FRRS1L: variants seen among roughly 807,000 people sequenced by gnomAD.
FRRS1L encodes DOMON domain-containing protein FRRS1L.
A neutral mutation model predicts 28.6 loss-of-function variants in FRRS1L; 22 were observed. That is an observed-to-expected ratio of 0.77 (90% CI 0.55 to 1.10). The LOEUF is 1.10. FRRS1L is among the 50% of genes least tolerant of loss of function. The pLI is 0.00. For missense variants in FRRS1L, 380 were observed against 386.9 expected (o/e 0.98, Z 0.15); for synonymous variants, 158 against 151.4 (o/e 1.04, Z -0.32).
At chr9:109,151,979 G>C (rs10759331) in intron 1 of FRRS1L, 138,110 of 152,288 alleles carry the variant, frequency 0.91, 62,827 homozygotes, top group African/African-American at 0.97. Flanking sequence ...TGAAATTCTA[G>C]AGTTCACTGA....
At chr9:109,153,311 T>TA (rs778096611) in intron 1 of FRRS1L, among the ~76,000 whole-genome samples, 1 of 152,184 alleles carries the variant, frequency 6.6e-6, no homozygotes, top group Non-Finnish European at 1.5e-5. Context: ...AGATTGAGTT[T>TA]AACCATGTGG....
At position 109,132,385 on chromosome 9, in the gene FRRS1L, T is replaced by G. The variant is rs1329846846; in HGVS notation, c.*5070A>C. The G allele has an allele frequency of 6.6e-6, 1 of 152,234 alleles. No homozygotes were observed. Among genetic ancestry groups the G allele is most frequent in the Non-Finnish European group, 1.5e-5 (1 of 68,048 alleles). The allele number at this position is 152,234 out of a possible 1,614,324, so 9.4% of individuals were successfully genotyped here. A position where few individuals can be genotyped will look rare whatever the true frequency, so the allele number is the denominator to read the frequency against. ...GTTGTCCATGATCACCACAGTTACT[T>G]AAGACAAAACTGCTGCTTAGCCGGC... On this transcript the variant is annotated 3_prime_UTR_variant, in exon 5 of 5. Transcript: ENST00000561981.
intron 1 of FRRS1L, among the ~76,000 whole-genome samples, chr9:109,153,565 C>CT (rs904043956): frequency 3.3e-5 from 5 of 151,984 alleles, no homozygotes; most frequent in African/African-American, 9.7e-5. Context: ...AAAAATAGCA[C>CT]TTTTTTTTCC....
intron 1 of FRRS1L, among the ~76,000 whole-genome samples, chr9:109,156,803 C>T (rs758202986): frequency 3.3e-5 from 5 of 151,434 alleles, no homozygotes; most frequent in Admixed American, 6.6e-5. Flanking sequence ...TACCTCACCC[C>T]GGGACTACAG....
At chr9:109,145,022 C>T (rs1238015092) in intron 3 of FRRS1L, among the ~76,000 whole-genome samples, 1 of 152,174 alleles carries the variant, frequency 6.6e-6, no homozygotes, top group Non-Finnish European at 1.5e-5. Context: ...AGCCGCCCTC[C>T]TCTCTCCCCT....
chr9:109,137,428 TG>T lies in FRRS1L; in HGVS notation c.*26del. ...TTTATACTAAAGACTTCCCAATCCA[TG>T]TAATCTGTTGGCCCTGCAGCTGTGG... On this transcript the variant is annotated 3_prime_UTR_variant, in exon 5 of 5. Transcript: ENST00000561981. The T allele has an allele frequency of 1.4e-6, 2 of 1,419,740 alleles. No homozygotes were observed. Among genetic ancestry groups the T allele is most frequent in the Non-Finnish European group, 1.9e-6 (2 of 1,057,668 alleles). 87.9% of individuals were successfully genotyped at this position (1,419,740 alleles called of 1,614,324 possible). A position where few individuals can be genotyped will look rare whatever the true frequency, so the allele number is the denominator to read the frequency against.
chr9:109,141,831 A>G (rs955467726), intron 3 of FRRS1L, among the ~76,000 whole-genome samples: 2 of 152,186 alleles, frequency 1.3e-5, no homozygotes, highest in African/African-American at 2.4e-5. Context: ...TGCCCAAAAC[A>G]CAAACCAACC....
Position 109,147,146 on chromosome 9 carries a change from G to A in FRRS1L, c.367C>T (p.Leu123Phe). 1 of 1,613,384 alleles carries A rather than the reference G, an allele frequency of 6.2e-7. No homozygotes were observed. Among genetic ancestry groups the A allele is most frequent in the Admixed American group, 1.7e-5 (1 of 60,026 alleles). ...TCAGCCCCTATCATCCGGTAGCTGA[G>A]GAAATAGTCACAGGTCTCTGCATTA... ...GCNAETCDYF[L>F]SYRMIGADVE... is the part of the protein sequence containing the mutation. The change falls in exon 3 of 5, where the codon CTC (leucine) becomes TTC (phenylalanine). Residue 123 changes from leucine (L) to phenylalanine (F), a missense_variant. Transcript: ENST00000561981.
chr9:109,145,504 C>G (rs1445850144), intron 3 of FRRS1L, among the ~76,000 whole-genome samples: 3 of 152,160 alleles, frequency 2.0e-5, no homozygotes, highest in Non-Finnish European at 4.4e-5. Flanking sequence ...TCGAGACCAG[C>G]CTGGCCAACG....
intron 1 of FRRS1L, among the ~76,000 whole-genome samples, chr9:109,161,448 TTC>T (rs1444831130): frequency 6.6e-6 from 1 of 152,192 alleles, no homozygotes; most frequent in African/African-American, 2.4e-5. Context: ...TTTCAGTAAA[TTC>T]TGTTTTGGAG....
At chr9:109,161,080 G>A (rs945064532) in intron 1 of FRRS1L, among the ~76,000 whole-genome samples, 2 of 151,860 alleles carry the variant, frequency 1.3e-5, no homozygotes, top group Non-Finnish European at 1.5e-5. Flanking sequence ...CGCCTCACCC[G>A]GCCTGAAGCA....
chr9:109,166,513 C>T (rs1291022120), intron 1 of FRRS1L, among the ~76,000 whole-genome samples: 2 of 152,076 alleles, frequency 1.3e-5, no homozygotes, highest in Admixed American at 6.5e-5. Context: ...CCCTAGCTGC[C>T]CTGGCCAGAT....
In FRRS1L at chr9:109,137,648, A is replaced by T. The variant is rs10759329; in HGVS notation, c.710-21T>A. On this transcript the variant is annotated intron_variant, in intron 4 of 4. Coordinates refer to ENST00000561981, the MANE Select transcript of FRRS1L (RefSeq NM_014334.4). ...AGAGCCTTTAAGAAAAAAAGAGAAG[A>T]GCAGGGGCAATTGAAAAAAGAACAG... 4.0e-6 allele frequency: 6 copies of T among 1,487,388 alleles called. No individual in the cohort carries two copies. The East Asian group carries it at 1.2e-4, about 29-fold the overall frequency. The allele number at this position is 1,487,388 out of a possible 1,614,324, so 92.1% of individuals were successfully genotyped here. A position where few individuals can be genotyped will look rare whatever the true frequency, so the allele number is the denominator to read the frequency against.
At position 109,159,117 on chromosome 9, in the gene FRRS1L, T is replaced by C. The variant is rs1251121100; in HGVS notation, c.238+7784A>G. ...TTGTTGGCAATTTGTATGTCTTCTT[T>C]GGAAAAATGTCTTTTTAAAGCTTTT... On this transcript the variant is annotated intron_variant, in intron 1 of 4. Coordinates refer to ENST00000561981, the MANE Select transcript of FRRS1L (RefSeq NM_014334.4). Among the ~76,000 whole-genome samples the C allele has an allele frequency of 2.6e-5, 4 of 152,250 alleles. No homozygotes were observed. The East Asian group carries it at 7.7e-4, about 29-fold the overall frequency.
intron 1 of FRRS1L, among the ~76,000 whole-genome samples, chr9:109,154,999 C>T (rs1372700236): frequency 6.6e-6 from 1 of 152,188 alleles, no homozygotes; most frequent in Admixed American, 6.5e-5. Flanking sequence ...GATTACCTTA[C>T]ACGATAATTA....
intron 1 of FRRS1L, among the ~76,000 whole-genome samples, chr9:109,161,502 A>T (rs1588104633): frequency 6.6e-6 from 1 of 151,164 alleles, no homozygotes; most frequent in East Asian, 1.9e-4. Flanking sequence ...TTTCCTCTCT[A>T]TTATTTTATA....
At chr9:109,145,031 C>T (rs1831239843) in intron 3 of FRRS1L, among the ~76,000 whole-genome samples, 1 of 152,190 alleles carries the variant, frequency 6.6e-6, no homozygotes, top group Admixed American at 6.5e-5. Context: ...CCTCTCTCCC[C>T]TGTAGCCCCA....
intron 3 of FRRS1L, among the ~76,000 whole-genome samples, chr9:109,143,366 AC>A (rs1831213105): frequency 6.6e-6 from 1 of 152,112 alleles, no homozygotes; most frequent in Non-Finnish European, 1.5e-5. Context: ...TAATGCATGT[AC>A]CATCCTGTGC....
At chr9:109,166,142 G>A (rs1831545313) in intron 1 of FRRS1L, among the ~76,000 whole-genome samples, 1 of 152,160 alleles carries the variant, frequency 6.6e-6, no homozygotes, top group African/African-American at 2.4e-5. Flanking sequence ...CAGAAGAAAA[G>A]GAAAGTCACT....
Sources: allele counts gnomAD v4.1 joint callset (sites outside exome capture counted in the v4.1 genomes callset), GRCh38; gene constraint gnomAD v4.1.1; transcripts MANE v1.5; gene names NCBI Gene and HGNC (gene_info 2026-07-23, HGNC 2026-07-21).